Variants in GRM1 observed in about 807,000 individuals in gnomAD.
GRM1 encodes glutamate metabotropic receptor 1.
GRM1 carries 33 observed loss-of-function variants against 90.9 expected under a neutral mutation model. The ratio of observed to expected loss-of-function variants is 0.36; its 90% CI spans 0.28 to 0.49. GRM1 has a LOEUF of 0.49. Among genes scored for constraint, GRM1 ranks in the 20% least tolerant of loss-of-function variants. The pLI, the probability that GRM1 is intolerant of heterozygous loss-of-function variation, is 0.99. For missense variants in GRM1, 1,190 were observed against 1,534.3 expected, an observed-to-expected ratio of 0.78 and a Z score of 3.75; for synonymous variants, 700 against 613.2, an observed-to-expected ratio of 1.14 and a Z score of -2.09.
At chr6:146,157,710 G>A (rs1467061109) in intron 1 of GRM1, among the ~76,000 whole-genome samples, 1 of 152,064 alleles carries the variant, frequency 6.6e-6, no homozygotes, top group Non-Finnish European at 1.5e-5. Flanking sequence ...AAAGTGATGG[G>A]ATCTAGTGTC....
At chr6:146,314,268 G>A (rs1464607955) in intron 3 of GRM1, among the ~76,000 whole-genome samples, 1 of 151,162 alleles carries the variant, frequency 6.6e-6, no homozygotes, top group Non-Finnish European at 1.5e-5. Flanking sequence ...TAGAGATGGG[G>A]TTTCACTATG....
intron 2 of GRM1, among the ~76,000 whole-genome samples, chr6:146,301,623 G>A (rs903776752): frequency 1.3e-5 from 2 of 152,016 alleles, no homozygotes; most frequent in African/African-American, 4.8e-5. Flanking sequence ...GTCAAAAGCA[G>A]TTATTTTTTT....
rs986027776 is a variant in GRM1 at position 146,273,889 on chromosome 6, T to A, written c.951-30722T>A. ...AAATCTGCCTTCATTTTGATTTGAA[T>A]ATTGGAGCAGTCGTAGTATTTGTTG... On this transcript the variant is annotated intron_variant, in intron 2 of 7. Transcript: ENST00000282753. 9.9e-5 allele frequency among the ~76,000 whole-genome samples: 15 copies of A among 152,218 alleles called. 1 individual carries two copies. Among genetic ancestry groups the A allele is most frequent in the Admixed American group, 3.9e-4 (6 of 15,282 alleles).
intron 7 of GRM1, among the ~76,000 whole-genome samples, chr6:146,418,787 G>T (rs963421541): frequency 6.6e-6 from 1 of 152,004 alleles, no homozygotes; most frequent in African/African-American, 2.4e-5. Context: ...AAGTAGAGTG[G>T]CCATATGTCT....
intron 2 of GRM1, among the ~76,000 whole-genome samples, chr6:146,268,093 A>C (rs559855186): frequency 6.6e-6 from 1 of 152,086 alleles, no homozygotes; most frequent in South Asian, 2.1e-4. Flanking sequence ...CCCTTTTTTG[A>C]CCACTTCTGC....
intron 1 of GRM1, among the ~76,000 whole-genome samples, chr6:146,089,238 A>G (rs539569948): frequency 6.6e-6 from 1 of 152,240 alleles, no homozygotes; most frequent in African/African-American, 2.4e-5. Flanking sequence ...AGGTGAGGGC[A>G]TTCTCTAGCC....
At chr6:146,396,093 T>TATCTATC (rs1554307336) in intron 6 of GRM1, among the ~76,000 whole-genome samples, 6 of 151,906 alleles carry the variant, frequency 3.9e-5, no homozygotes, top group African/African-American at 1.2e-4. Context: ...TCTATCTATC[T>TATCTATC]ATCTATCTAT....
intron 2 of GRM1, among the ~76,000 whole-genome samples, chr6:146,162,612 A>T (rs1233552009): frequency 6.6e-6 from 1 of 152,252 alleles, no homozygotes; most frequent in East Asian, 1.9e-4. Flanking sequence ...TCATCACCTC[A>T]CATGCCTAAT....
chr6:146,193,797 A>G (rs372964931), intron 2 of GRM1, among the ~76,000 whole-genome samples: 8 of 152,006 alleles, frequency 5.3e-5, no homozygotes, highest in South Asian at 2.1e-4. Context: ...TTCTCTGATG[A>G]TGGAGACCTA....
At chr6:146,183,823 C>T (rs1778630491) in intron 2 of GRM1, among the ~76,000 whole-genome samples, 2 of 152,170 alleles carry the variant, frequency 1.3e-5, no homozygotes, top group African/African-American at 4.8e-5. Flanking sequence ...AATATCTACC[C>T]TGACTTCTAT....
chr6:146,162,066 A>T (rs1777748297), intron 2 of GRM1, among the ~76,000 whole-genome samples: 1 of 152,136 alleles, frequency 6.6e-6, no homozygotes, highest in Non-Finnish European at 1.5e-5. Flanking sequence ...CTACAGTTTA[A>T]CCTCAAGCTA....
At chr6:146,247,519 C>T (rs148847960) in intron 2 of GRM1, among the ~76,000 whole-genome samples, 1,734 of 152,012 alleles carry the variant, frequency 0.011, 73 homozygotes, top group East Asian at 0.079. Context: ...GAGGCTGAGG[C>T]GAGTGGATCA....
At chr6:146,344,098 A>T (rs77211600) in intron 3 of GRM1, among the ~76,000 whole-genome samples, 2,916 of 152,222 alleles carry the variant, frequency 0.019, 37 homozygotes, top group South Asian at 0.047. Context: ...GTTTCCAACA[A>T]CCCTTTCCCT....
chr6:146,052,933 CA>C (rs1387667128), intron 1 of GRM1, among the ~76,000 whole-genome samples: 1 of 151,794 alleles, frequency 6.6e-6, no homozygotes, highest in Non-Finnish European at 1.5e-5. Flanking sequence ...CCTGATGCCC[CA>C]AAAGCTTGAA....
chr6:146,061,057 C>T (rs1433505372), intron 1 of GRM1, among the ~76,000 whole-genome samples: 1 of 151,940 alleles, frequency 6.6e-6, no homozygotes, highest in Non-Finnish European at 1.5e-5. Flanking sequence ...AAAGGAAAGG[C>T]CTGTGGAGAG....
At chr6:146,270,918 TTCCTTCCTTCCTTC>T (rs1782124444) in intron 2 of GRM1, among the ~76,000 whole-genome samples, 2 of 108,648 alleles carry the variant, frequency 1.8e-5, no homozygotes, top group South Asian at 2.9e-4. Context: ...TCTTTCTTCC[TTCCTTCCTTCCTTC>T]CTTCCTTCCT....
chr6:146,348,400 C>CCA (rs1416012871), intron 3 of GRM1, among the ~76,000 whole-genome samples: 1 of 152,210 alleles, frequency 6.6e-6, no homozygotes, highest in Admixed American at 6.5e-5. Context: ...AACTTTATGT[C>CCA]ACATGTTCCT....
intron 3 of GRM1, among the ~76,000 whole-genome samples, chr6:146,342,451 C>T (rs1304133909): frequency 1.3e-5 from 2 of 152,168 alleles, no homozygotes; most frequent in African/African-American, 4.8e-5. Context: ...TAATGTTACT[C>T]TGGGACAGTA....
chr6:146,235,450 G>A (rs764826566), intron 2 of GRM1, among the ~76,000 whole-genome samples: 33 of 151,874 alleles, frequency 2.2e-4, no homozygotes, highest in Admixed American at 3.9e-4. Flanking sequence ...TGACTTCATG[G>A]ATAAAAAATT....
Sources: gnomAD v4.1 joint callset for allele counts (sites outside exome capture counted in the v4.1 genomes callset) on GRCh38, gnomAD v4.1.1 for gene constraint, MANE v1.5 for transcripts, NCBI Gene and HGNC (gene_info 2026-07-23, HGNC 2026-07-21) for gene names.